The following ERC1 variants were observed in gnomAD, a reference collection of about 807,000 sequenced individuals.
ERC1 encodes the protein ELKS/RAB6-interacting/CAST family member 1.
ERC1 carries 56 observed loss-of-function variants against 132.0 expected under a neutral mutation model. The observed-to-expected ratio is 0.42, with a 90% CI of 0.34 to 0.53. ERC1 has a LOEUF of 0.53. Among genes scored for constraint, ERC1 ranks in the 20% least tolerant of loss-of-function variants. The pLI is 0.03. For synonymous variants in ERC1, 478 were observed against 476.1 expected (o/e 1.00, Z -0.05); for missense variants, 1,202 against 1,349.9 (o/e 0.89, Z 1.72).
chr12:1,373,449 T>C (rs1207211058), intron 16 of ERC1, among the ~76,000 whole-genome samples: 1 of 152,210 alleles, frequency 6.6e-6, no homozygotes, highest in Non-Finnish European at 1.5e-5. Flanking sequence ...GGTTTTTGAT[T>C]AGTGGCCTCC....
In ERC1 at chr12:1,182,007, A is replaced by T. The variant is rs759300602; in HGVS notation, c.1958A>T (p.Asp653Val). The T allele has an allele frequency of 7.4e-6, 12 of 1,614,108 alleles. No individual in the cohort carries two copies. Among genetic ancestry groups the T allele is most frequent in the Non-Finnish European group, 1.0e-5 (12 of 1,179,984 alleles). ...GAGGAAATTGATAACTACAAAAAAG[A>T]TCTTAAAGACTTGAAGGAAAAAGTC... ...KQEEIDNYKK[D>V]LKDLKEKVSL... The change falls in exon 10 of 19, where the codon GAT becomes GTT. Residue 653 changes from aspartate to valine, a missense_variant. Coordinates refer to ENST00000360905, the MANE Select transcript of ERC1 (RefSeq NM_178040.4).
intron 2 of ERC1, among the ~76,000 whole-genome samples, chr12:1,055,683 T>C (rs891901574): frequency 6.6e-6 from 1 of 152,196 alleles, no homozygotes; most frequent in African/African-American, 2.4e-5. Flanking sequence ...AGCAGCATAG[T>C]GTAAAAAGCG....
intron 3 of ERC1, among the ~76,000 whole-genome samples, chr12:1,102,887 G>T (rs1357145129): frequency 6.6e-6 from 1 of 152,124 alleles, no homozygotes; most frequent in African/African-American, 2.4e-5. Context: ...CATTCATTTT[G>T]TTATGAAAAA....
At position 1,461,288 on chromosome 12, in the gene ERC1, A is replaced by G. The variant is rs534793701; in HGVS notation, c.3213+16538A>G. Among the ~76,000 whole-genome samples, 5 of 152,266 alleles carry G rather than the reference A, an allele frequency of 3.3e-5. No homozygotes were observed. The East Asian group carries it at 9.7e-4, about 29-fold the overall frequency. ...ACATGTATAACCTGTATGTTGAATG[A>G]TTGAATATTTTTGAAAGTGCAGCTT... On this transcript the variant is annotated intron_variant, in intron 18 of 18. Coordinates refer to ENST00000360905, the MANE Select transcript of ERC1 (RefSeq NM_178040.4).
intron 1 of ERC1, among the ~76,000 whole-genome samples, chr12:995,975 AAGAG>A: frequency 6.6e-6 from 1 of 152,318 alleles, no homozygotes; most frequent in African/African-American, 2.4e-5. Context: ...AATGTTGAGT[AAGAG>A]AGAATTCTGC....
intron 15 of ERC1, among the ~76,000 whole-genome samples, chr12:1,344,493 G>A (rs2084246607): frequency 6.6e-6 from 1 of 152,166 alleles, no homozygotes; most frequent in Admixed American, 6.5e-5. Flanking sequence ...AACCCTGACG[G>A]TGCCTTTTGA....
chr12:1,184,142 A>AG (rs1954802184), intron 11 of ERC1, among the ~76,000 whole-genome samples: 1 of 123,332 alleles, frequency 8.1e-6, no homozygotes, highest in African/African-American at 2.6e-5. Context: ...TCTCACAAAA[A>AG]AAAAAAAAAA....
chr12:1,193,548 A>G (rs537889398), intron 12 of ERC1, among the ~76,000 whole-genome samples: 84 of 152,160 alleles, frequency 5.5e-4, no homozygotes, highest in Non-Finnish European at 1.1e-3. Context: ...ATATATATTA[A>G]TATATGCCTA....
At chr12:1,369,150 A>G (rs2086941378) in intron 15 of ERC1, among the ~76,000 whole-genome samples, 1 of 152,234 alleles carries the variant, frequency 6.6e-6, no homozygotes, top group South Asian at 2.1e-4. Flanking sequence ...CACTATTCCA[A>G]TGGCTCAGAC....
chr12:1,419,728 C>A (rs1379613705), intron 17 of ERC1, among the ~76,000 whole-genome samples: 1 of 151,728 alleles, frequency 6.6e-6, no homozygotes, highest in Non-Finnish European at 1.5e-5. Flanking sequence ...AGAATGGTTG[C>A]ACAACAGTGT....
At chr12:1,243,149 T>TGCAGTCC (rs199855203) in intron 13 of ERC1, among the ~76,000 whole-genome samples, 2 of 144,894 alleles carry the variant, frequency 1.4e-5, no homozygotes, top group Admixed American at 7.0e-5. Context: ...ATTGCGCCAC[T>TGCAGTCC]GCAGTCCGCA....
rs79806915 is a variant in ERC1, at chr12:1,414,377, G to T, written c.3024+6130G>T. On this transcript the variant is annotated intron_variant, in intron 17 of 18. Coordinates refer to ENST00000360905, the MANE Select transcript of ERC1 (RefSeq NM_178040.4). ...AGAGAGAGAGGAAGCAAGCTGTCTCGTGGTGTTTCTTTTTATAAAGGCACT... is the reference window on the plus strand; with the variant it reads ...AGAGAGAGAGGAAGCAAGCTGTCTCTTGGTGTTTCTTTTTATAAAGGCACT... 2.0e-5 allele frequency among the ~76,000 whole-genome samples: 3 copies of T among 152,302 alleles called. No individual in the cohort carries two copies. In the East Asian group the frequency reaches 5.8e-4, roughly 29 times the overall value.
At chr12:1,315,029 TTTTC>T (rs1357653868) in intron 15 of ERC1, among the ~76,000 whole-genome samples, 4 of 152,162 alleles carry the variant, frequency 2.6e-5, no homozygotes, top group African/African-American at 9.7e-5. Flanking sequence ...AGTCAGTAAA[TTTTC>T]TTTCTTTTTT....
At chr12:1,049,969 C>T (rs1217718649) in intron 2 of ERC1, among the ~76,000 whole-genome samples, 1 of 152,082 alleles carries the variant, frequency 6.6e-6, no homozygotes, top group African/African-American at 2.4e-5. Flanking sequence ...TCTCAAACTC[C>T]TGACCTCAGG....
intron 15 of ERC1, among the ~76,000 whole-genome samples, chr12:1,326,392 C>G (rs900588129): frequency 2.6e-5 from 4 of 152,176 alleles, no homozygotes; most frequent in Non-Finnish European, 5.9e-5. Flanking sequence ...AATCATGAAT[C>G]TACAGTGCCG....
intron 12 of ERC1, 125 bp downstream of exon 12, chr12:1,190,177 G>A (rs769334579): frequency 1.1e-6 from 1 of 893,214 alleles, no homozygotes; most frequent in African/African-American, 1.6e-5. Flanking sequence ...TGCTATTACT[G>A]TATTAGCTGC....
intron 15 of ERC1, among the ~76,000 whole-genome samples, chr12:1,370,820 A>T (rs1448772611): frequency 6.6e-6 from 1 of 152,150 alleles, no homozygotes; most frequent in African/African-American, 2.4e-5. Flanking sequence ...TCCCAGGCTC[A>T]AGAGATCCTC....
At chr12:1,230,413 C>A (rs1437084707) in intron 12 of ERC1, among the ~76,000 whole-genome samples, 1 of 152,104 alleles carries the variant, frequency 6.6e-6, no homozygotes, top group East Asian at 1.9e-4. Flanking sequence ...TTATTGATTT[C>A]TAATTTTATA....
chr12:1,253,951 A>G (rs1355800399), intron 13 of ERC1, among the ~76,000 whole-genome samples: 1 of 152,124 alleles, frequency 6.6e-6, no homozygotes, highest in African/African-American at 2.4e-5. Context: ...TTCTCCCTCT[A>G]CCAGACCCCT....
Sources: allele counts gnomAD v4.1 joint callset (sites outside exome capture counted in the v4.1 genomes callset), GRCh38; gene constraint gnomAD v4.1.1; transcripts MANE v1.5; gene names NCBI Gene and HGNC (gene_info 2026-07-23, HGNC 2026-07-21).